Variants in SPMIP11 observed in about 807,000 individuals in gnomAD.
The protein encoded by SPMIP11 is long intergenic non-protein coding RNA 935.
At chr12:48,758,246 A>T in the SPMIP11 span, among the ~76,000 whole-genome samples, 3 of 152,176 alleles carry the variant, frequency 2.0e-5, no homozygotes, top group Non-Finnish European at 4.4e-5. Flanking sequence ...GGAATGGAAA[A>T]CTACACATGG....
chr12:48,771,449 G>T, the SPMIP11 span: 1 of 599,508 alleles, frequency 1.7e-6, no homozygotes, highest in Non-Finnish European at 3.0e-6. The surrounding 1 kb of genome is among the most constrained non-coding windows in gnomAD (Gnocchi z 4.3). Flanking sequence ...CATCCACCTG[G>T]TACCTATCCT....
the SPMIP11 span, chr12:48,768,489 G>T: frequency 6.5e-7 from 1 of 1,541,860 alleles, no homozygotes; most frequent in Non-Finnish European, 8.9e-7. Flanking sequence ...GGTTAGCAGG[G>T]TCTGGAGGCT....
At chr12:48,737,415 A>AT in the SPMIP11 span, among the ~76,000 whole-genome samples, 4,227 of 139,184 alleles carry the variant, frequency 0.03, 124 homozygotes, top group African/African-American at 0.075. Flanking sequence ...TTAATTTTTA[A>AT]TTTTTTTTTT....
the SPMIP11 span, chr12:48,768,449 A>C: frequency 8.0e-7 from 1 of 1,248,966 alleles, no homozygotes; most frequent in African/African-American, 1.5e-5. Context: ...GCATGATCCA[A>C]GCACAGCCTG....
At chr12:48,770,889 C>T in the SPMIP11 span, 14 of 1,614,098 alleles carry the variant, frequency 8.7e-6, no homozygotes, top group East Asian at 4.5e-5. Flanking sequence ...TAGGTGCTGG[C>T]GTTCAGCCCT....
At chr12:48,733,754 A>C in the SPMIP11 span, among the ~76,000 whole-genome samples, 83 of 149,608 alleles carry the variant, frequency 5.5e-4, no homozygotes, top group Non-Finnish European at 1.0e-3. Context: ...TGTATGTGTA[A>C]ATGCAGATTC....
chr12:48,743,230 TA>T, the SPMIP11 span, among the ~76,000 whole-genome samples: 1,265 of 121,190 alleles, frequency 0.01, 9 homozygotes, highest in African/African-American at 0.025. Context: ...CCATCTCTAC[TA>T]AAAAAAAAAA....
At chr12:48,768,536 G>A in the SPMIP11 span, 2 of 1,613,680 alleles carry the variant, frequency 1.2e-6, no homozygotes, top group Non-Finnish European at 1.7e-6. Context: ...AGTGAGCACA[G>A]AGTCCACTCA....
At chr12:48,737,697 G>A in the SPMIP11 span, among the ~76,000 whole-genome samples, 2,706 of 152,178 alleles carry the variant, frequency 0.018, 90 homozygotes, top group African/African-American at 0.062. Context: ...TTACAGGCGT[G>A]AGCCACCGTG....
the SPMIP11 span, among the ~76,000 whole-genome samples, chr12:48,735,806 C>G: frequency 3.3e-5 from 5 of 151,980 alleles, no homozygotes; most frequent in Non-Finnish European, 7.4e-5. Context: ...ATTGCTTGAA[C>G]CCGGGAGGTG....
the SPMIP11 span, chr12:48,768,190 A>G: frequency 3.7e-6 from 1 of 272,020 alleles, no homozygotes; most frequent in East Asian, 9.9e-5. Context: ...ATTCCCAGGA[A>G]AAAAGAGGGA....
At chr12:48,771,429 TC>T in the SPMIP11 span, 1 of 561,096 alleles carries the variant, frequency 1.8e-6, no homozygotes, top group Middle Eastern at 2.9e-4. The surrounding 1 kb of genome is among the most constrained non-coding windows in gnomAD (Gnocchi z 4.3). Context: ...ATTGCCTTCT[TC>T]TTCAGTGACA....
the SPMIP11 span, chr12:48,771,154 C>A: frequency 6.4e-6 from 4 of 626,042 alleles, no homozygotes; most frequent in Admixed American, 2.9e-5. The surrounding 1 kb of genome is among the most constrained non-coding windows in gnomAD (Gnocchi z 4.3). Context: ...GGACTCCAGG[C>A]AGGACTTGGG....
chr12:48,732,146 CAA>C, the SPMIP11 span, among the ~76,000 whole-genome samples: 2,756 of 100,686 alleles, frequency 0.027, 94 homozygotes, highest in African/African-American at 0.089. Flanking sequence ...AAGATTGTCT[CAA>C]AAAAAAAAAA....
At chr12:48,729,190 A>C in the SPMIP11 span, among the ~76,000 whole-genome samples, 1 of 152,136 alleles carries the variant, frequency 6.6e-6, no homozygotes, top group Non-Finnish European at 1.5e-5. Context: ...TCATGAAGTC[A>C]AGAGATCAAG....
chr12:48,737,981 G>A, the SPMIP11 span, among the ~76,000 whole-genome samples: 2 of 151,858 alleles, frequency 1.3e-5, no homozygotes, highest in Non-Finnish European at 2.9e-5. Context: ...AGGCTACCAT[G>A]TCTGGCTAAT....
chr12:48,730,685 C>T, the SPMIP11 span, among the ~76,000 whole-genome samples: 2 of 152,162 alleles, frequency 1.3e-5, no homozygotes, highest in African/African-American at 4.8e-5. Flanking sequence ...CGCCTGTAAT[C>T]CCAGCACTTT....
chr12:48,759,789 G>A, the SPMIP11 span, among the ~76,000 whole-genome samples: 2 of 152,002 alleles, frequency 1.3e-5, no homozygotes, highest in South Asian at 4.2e-4. Context: ...GGTGGGGTAA[G>A]CACGATATGA....
the SPMIP11 span, chr12:48,759,357 G>A: frequency 1.4e-6 from 1 of 701,892 alleles, no homozygotes; most frequent in Non-Finnish European, 2.6e-6. Context: ...TGGGCATCAT[G>A]CTAGGAGAAA....
Sources: gnomAD v4.1 joint callset for allele counts (sites outside exome capture counted in the v4.1 genomes callset) on GRCh38, gnomAD v4.1.1 for gene constraint, Gnocchi (gnomAD v3.1) non-coding constraint, MANE v1.5 for transcripts, NCBI Gene and HGNC (gene_info 2026-07-23, HGNC 2026-07-21) for gene names.